The following ATRNL1 variants were observed in gnomAD, a reference collection of about 807,000 sequenced individuals.
ATRNL1 encodes attractin like 1.
ATRNL1 carries 95 observed loss-of-function variants against 182.7 expected under a neutral mutation model. The ratio of observed to expected loss-of-function variants is 0.52; its 90% CI spans 0.44 to 0.62. ATRNL1 has a LOEUF of 0.62. Ranked by LOEUF, ATRNL1 falls within the 20% of genes least tolerant of loss-of-function variation. The pLI is 0.00. For missense variants in ATRNL1, 1,471 were observed against 1,679.5 expected, an observed-to-expected ratio of 0.88 and a Z score of 2.17; for synonymous variants, 576 against 568.3, an observed-to-expected ratio of 1.01 and a Z score of -0.19.
chr10:115,717,548 CTTTTTTTTTT>C (rs61386440), intron 26 of ATRNL1, among the ~76,000 whole-genome samples: 1 of 84,350 alleles, frequency 1.2e-5, no homozygotes, highest in Non-Finnish European at 2.2e-5. Context: ...CTGAAATGTT[CTTTTTTTTTT>C]TTTTTTTTTT....
intron 27 of ATRNL1, among the ~76,000 whole-genome samples, chr10:115,763,996 A>G (rs2134151453): frequency 6.6e-6 from 1 of 152,314 alleles, no homozygotes; most frequent in African/African-American, 2.4e-5. Context: ...TCCTAGAGGC[A>G]ATCACTGTTT....
At chr10:115,674,782 TAA>T (rs1177489163) in intron 26 of ATRNL1, among the ~76,000 whole-genome samples, 1 of 152,060 alleles carries the variant, frequency 6.6e-6, no homozygotes, top group Non-Finnish European at 1.5e-5. Flanking sequence ...CTCACTTTTC[TAA>T]AAAAATGGAC....
intron 20 of ATRNL1, among the ~76,000 whole-genome samples, chr10:115,398,400 T>A (rs1844391218): frequency 6.6e-6 from 1 of 151,950 alleles, no homozygotes; most frequent in African/African-American, 2.4e-5. Context: ...TTTTGTGCAG[T>A]GGTTTTTAGT....
chr10:115,190,331 A>G (rs536463402), intron 8 of ATRNL1, among the ~76,000 whole-genome samples: 10 of 152,122 alleles, frequency 6.6e-5, no homozygotes, highest in Non-Finnish European at 1.2e-4. Context: ...CTATTTAGGA[A>G]CTACAAAAAT....
chr10:115,355,613 T>C (rs1304262901), intron 19 of ATRNL1, among the ~76,000 whole-genome samples: 1 of 152,122 alleles, frequency 6.6e-6, no homozygotes, highest in Non-Finnish European at 1.5e-5. Flanking sequence ...AAGAAAAATA[T>C]GTCTTCAAAT....
chr10:115,869,080 C>T (rs1951515505), intron 28 of ATRNL1, among the ~76,000 whole-genome samples: 1 of 152,056 alleles, frequency 6.6e-6, no homozygotes, highest in African/African-American at 2.4e-5. Context: ...CCGCCCGCCT[C>T]GGCCTCCCAA....
intron 26 of ATRNL1, among the ~76,000 whole-genome samples, chr10:115,634,617 T>A (rs56244366): frequency 0.016 from 2,425 of 152,304 alleles, 41 homozygotes; most frequent in Non-Finnish European, 0.025. Context: ...ACTATTTGAA[T>A]ATAATTTAGA....
At chr10:115,391,201 G>T (rs1554954221) in intron 19 of ATRNL1, among the ~76,000 whole-genome samples, 1 of 152,054 alleles carries the variant, frequency 6.6e-6, no homozygotes, top group African/African-American at 2.4e-5. Context: ...GTACTACATT[G>T]AACAGAAGTG....
At chr10:115,252,107 A>C (rs1592325380) in intron 10 of ATRNL1, among the ~76,000 whole-genome samples, 1 of 151,954 alleles carries the variant, frequency 6.6e-6, no homozygotes, top group African/African-American at 2.4e-5. Flanking sequence ...GCTCACTGCA[A>C]CCTCTGTCTC....
chr10:115,180,149 A>C lies in ATRNL1; in HGVS notation c.1348+8857A>C, dbSNP rs150750651. 7.6e-3 allele frequency among the ~76,000 whole-genome samples: 1,152 copies of C among 152,016 alleles called. 24 individuals are homozygous for C. Among genetic ancestry groups the C allele is most frequent in the African/African-American group, 0.026 (1,099 of 41,534 alleles). On this transcript the variant is annotated intron_variant, in intron 8 of 28. Transcript: ENST00000355044. The stretch of plus-strand genomic sequence containing the variant: ...AAAGCCCATTTGCTGTATTCCTTTA[A>C]GTTTTCTCTTTAAAATCATGTTAAT...
At chr10:115,521,538 G>A (rs1393778271) in intron 25 of ATRNL1, among the ~76,000 whole-genome samples, 1 of 152,146 alleles carries the variant, frequency 6.6e-6, no homozygotes, top group African/African-American at 2.4e-5. Flanking sequence ...AGTTGAATAT[G>A]TATGTAAATT....
chr10:115,411,934 A>G (rs1415896507), intron 20 of ATRNL1, among the ~76,000 whole-genome samples: 5 of 152,172 alleles, frequency 3.3e-5, no homozygotes, highest in Non-Finnish European at 2.9e-5. Context: ...TATATTGACC[A>G]TTAATTATCT....
chr10:115,171,045 C>T lies in ATRNL1; in HGVS notation c.1101C>T (p.Ile367=), dbSNP rs1300032771. The T allele has an allele frequency of 1.3e-6, 2 of 1,544,008 alleles. No homozygotes were observed. The highest frequency in any genetic ancestry group is 3.7e-5 in the Admixed American group (2 of 54,760). The part of the protein sequence containing the change: ...GHSLALYQEN[I]FMYGGRIETN... ...TGTATTTTAATTTACAGGAAAACAT[C>T]TTTATGTATGGAGGCAGAATTGAAA... is the stretch of plus-strand genomic sequence containing the variant. Residue 367 remains isoleucine, a synonymous_variant, in exon 8 of 29, where the codon ATC becomes ATT. Coordinates refer to ENST00000355044, the MANE Select transcript of ATRNL1 (RefSeq NM_207303.4).
At chr10:115,233,218 A>G (rs916560503) in intron 9 of ATRNL1, among the ~76,000 whole-genome samples, 12 of 152,096 alleles carry the variant, frequency 7.9e-5, no homozygotes, top group African/African-American at 2.4e-4. Flanking sequence ...TCTCATTTTA[A>G]CTTAACTATC....
intron 28 of ATRNL1, among the ~76,000 whole-genome samples, chr10:115,863,146 C>T (rs1200545557): frequency 6.6e-6 from 1 of 152,122 alleles, no homozygotes; most frequent in Non-Finnish European, 1.5e-5. Flanking sequence ...TCTCTGAGTA[C>T]ACTTTTGTAT....
chr10:115,137,381 C>A (rs778306573), intron 5 of ATRNL1, among the ~76,000 whole-genome samples: 1 of 152,230 alleles, frequency 6.6e-6, no homozygotes, highest in Non-Finnish European at 1.5e-5. Context: ...CATCTACATA[C>A]CAAATTTCTC....
chr10:115,195,358 A>G (rs1848320681), intron 8 of ATRNL1, among the ~76,000 whole-genome samples: 1 of 152,060 alleles, frequency 6.6e-6, no homozygotes, highest in African/African-American at 2.4e-5. Context: ...TTTGAAGGAT[A>G]ATTTTGCTGG....
chr10:115,395,682 C>T (rs1592590862), intron 20 of ATRNL1, among the ~76,000 whole-genome samples: 1 of 151,680 alleles, frequency 6.6e-6, no homozygotes, highest in Non-Finnish European at 1.5e-5. Flanking sequence ...TATGCAGGAA[C>T]CCTCTACTGC....
intron 24 of ATRNL1, among the ~76,000 whole-genome samples, chr10:115,477,723 T>C (rs1369617480): frequency 6.6e-6 from 1 of 151,668 alleles, no homozygotes; most frequent in Non-Finnish European, 1.5e-5. Context: ...TGGATAACCT[T>C]GATAGAAGCA....
Sources: gnomAD v4.1 joint callset for allele counts (sites outside exome capture counted in the v4.1 genomes callset) on GRCh38, gnomAD v4.1.1 for gene constraint, MANE v1.5 for transcripts, NCBI Gene and HGNC (gene_info 2026-07-23, HGNC 2026-07-21) for gene names.